Variants in TBC1D31 observed in about 807,000 individuals in gnomAD.
TBC1D31 encodes WD repeat domain 67.
In TBC1D31, 99 loss-of-function variants were observed where a neutral mutation model predicts 132.9. That is an observed-to-expected ratio of 0.74 (90% CI 0.63 to 0.88). The LOEUF (loss-of-function observed/expected upper bound fraction) is 0.88, where lower values mean the gene tolerates loss of function less well. TBC1D31 is among the 40% of genes least tolerant of loss of function. The pLI is 0.00. For synonymous variants in TBC1D31, 385 were observed against 419.4 expected, an observed-to-expected ratio of 0.92 and a Z score of 1.00; for missense variants, 1,134 against 1,256.6, an observed-to-expected ratio of 0.90 and a Z score of 1.48.
chr8:123,134,267 A>T, intron 17 of TBC1D31, 61 bp downstream of exon 17: 1 of 1,312,548 alleles, frequency 7.6e-7, no homozygotes, highest in South Asian at 1.2e-5. Context: ...AGTGGCTCAA[A>T]CCTGTAATCC....
intron 2 of TBC1D31, among the ~76,000 whole-genome samples, chr8:123,080,526 ATTCTTTTTTT>A (rs1363045979): frequency 2.7e-5 from 2 of 74,762 alleles, no homozygotes; most frequent in African/African-American, 1.0e-4. Context: ...CTTTTCTTTT[ATTCTTTTTTT>A]TTTTTTTTTT....
rs1456944328 is a variant in TBC1D31, at chr8:123,150,146, A to G, written c.3067+18A>G. ...AACACAGAGTAAGTTGATAAGCAAG[A>G]AAATGTTATTCTGCCATTTTAAATT... On this transcript the variant is annotated intron_variant, in intron 21 of 21. Transcript: ENST00000287380. 1.9e-6 allele frequency: 3 copies of G among 1,572,766 alleles called. No individual in the cohort carries two copies. Among genetic ancestry groups the G allele is most frequent in the Non-Finnish European group, 2.6e-6 (3 of 1,143,968 alleles).
At chr8:123,092,020 CT>C (rs1206370786) in intron 4 of TBC1D31, among the ~76,000 whole-genome samples, 1 of 152,104 alleles carries the variant, frequency 6.6e-6, no homozygotes, top group East Asian at 1.9e-4. Context: ...AAAGGACTAA[CT>C]TTTTTTTCTT....
At position 123,093,705 on chromosome 8, in the gene TBC1D31, A is replaced by G. The variant is rs535744319; in HGVS notation, c.634A>G (p.Ser212Gly). Residue 212 changes from serine to glycine, a missense_variant, in exon 5 of 22, where the codon AGC (serine) becomes GGC (glycine). By Grantham distance (56) the Ser-to-Gly change is moderately conservative (BLOSUM62 0). Coordinates refer to ENST00000287380, the MANE Select transcript of TBC1D31 (RefSeq NM_145647.4). ...CKYQLPAPPESSSILYKVFAV... is the reference protein window; with the variant it reads ...CKYQLPAPPEGSSILYKVFAV... ...ATATCAATTGCCAGCTCCACCTGAA[A>G]GCTCTAGTATATTATACAAAGTGTT... 2 of 1,610,844 alleles carry G rather than the reference A, an allele frequency of 1.2e-6. No individual in the cohort carries two copies. Among genetic ancestry groups the G allele is most frequent in the South Asian group, 2.2e-5 (2 of 90,744 alleles).
rs117552523 is a variant in TBC1D31, at chr8:123,082,758, G to A, written c.281G>A (p.Arg94His). The A allele has an allele frequency of 2.7e-3, 4,339 of 1,613,252 alleles. 8 individuals carry two copies. Among genetic ancestry groups the A allele is most frequent in the Middle Eastern group, 6.4e-3 (39 of 6,062 alleles). ...QACTALAFNLRRKSEFLVALA... is the reference protein window; with the variant it reads ...QACTALAFNLHRKSEFLVALA... ...TGCACAGCTCTGGCCTTTAATCTTC[G>A]TAGGAAATCTGAATTCCTTGTGGCA... The change falls in exon 3 of 22, where the codon CGT becomes CAT. Residue 94 changes from arginine to histidine, a missense_variant. Physicochemically the swap from Arg to His is conservative, Grantham distance 29 (BLOSUM62 0). Coordinates refer to ENST00000287380, the MANE Select transcript of TBC1D31 (RefSeq NM_145647.4).
intron 17 of TBC1D31, among the ~76,000 whole-genome samples, chr8:123,134,413 A>G (rs755135583): frequency 6.6e-6 from 1 of 151,958 alleles, no homozygotes; most frequent in Non-Finnish European, 1.5e-5. Flanking sequence ...TGTAGTCCCA[A>G]CTACTCAGGA....
intron 10 of TBC1D31, among the ~76,000 whole-genome samples, chr8:123,113,642 C>T (rs943149438): frequency 3.9e-5 from 6 of 152,138 alleles, no homozygotes; most frequent in Admixed American, 6.5e-5. Flanking sequence ...GCTTTATATA[C>T]TTATATGCCT....
At position 123,142,351 on chromosome 8, in the gene TBC1D31, T is replaced by C. The variant is rs776808672; in HGVS notation, c.2730T>C (p.Asp910=). Residue 910 remains aspartate, a synonymous_variant, in exon 19 of 22, where the codon GAT becomes GAC. Transcript: ENST00000287380. ...CTTTACATAAACAAAAATGTGATGATCTACAACGAAACAAATGTTACCAGG... is the reference window on the plus strand; with the variant it reads ...CTTTACATAAACAAAAATGTGATGACCTACAACGAAACAAATGTTACCAGG... ...IQSLHKQKCD[D]LQRNKCYQEV... is the part of the protein sequence containing the mutation. 6.2e-7 allele frequency: 1 copy of C among 1,610,914 alleles called. No individual in the cohort carries two copies. Among genetic ancestry groups the C allele is most frequent in the Non-Finnish European group, 8.5e-7 (1 of 1,178,856 alleles).
At chr8:123,108,746 A>T (rs2385164) in intron 8 of TBC1D31, among the ~76,000 whole-genome samples, 47,342 of 152,048 alleles carry the variant, frequency 0.31, 7,511 homozygotes, top group African/African-American at 0.36. Flanking sequence ...TGAGCAATTT[A>T]TAAAGAAAGG....
intron 4 of TBC1D31, among the ~76,000 whole-genome samples, chr8:123,085,484 G>T (rs2129932149): frequency 6.6e-6 from 1 of 152,110 alleles, no homozygotes; most frequent in East Asian, 1.9e-4. Flanking sequence ...GCCCAGGCTG[G>T]AGTGCAGTGG....
In TBC1D31 at chr8:123,100,142, A is replaced by G. The variant is rs114272575; in HGVS notation, c.832-665A>G. Among the ~76,000 whole-genome samples, 1,111 of 152,176 alleles carry G rather than the reference A, an allele frequency of 7.3e-3. 14 individuals carry two copies. The highest frequency in any genetic ancestry group is 0.025 in the African/African-American group (1,041 of 41,510). ...ATCCTCTCTGTCCCCTGTATATGTC[A>G]TCAGTGGGCATGATCTGCCTGTGGG... On this transcript the variant is annotated intron_variant, in intron 6 of 21. Coordinates refer to ENST00000287380, the MANE Select transcript of TBC1D31 (RefSeq NM_145647.4).
At chr8:123,162,927 G>C in the TBC1D31 span, among the ~76,000 whole-genome samples, 1 of 151,918 alleles carries the variant, frequency 6.6e-6, no homozygotes, top group South Asian at 2.1e-4. Flanking sequence ...CCGCCTCCCA[G>C]ATTCAAGCGA....
chr8:123,094,377 A>G (rs1218557790), intron 5 of TBC1D31, among the ~76,000 whole-genome samples: 1 of 151,440 alleles, frequency 6.6e-6, no homozygotes, highest in African/African-American at 2.4e-5. Context: ...TATTTTTATC[A>G]ATAACTTCAC....
intron 17 of TBC1D31, 107 bp downstream of exon 17, chr8:123,134,313 C>G: frequency 1.2e-6 from 1 of 824,608 alleles, no homozygotes; most frequent in Non-Finnish European, 2.0e-6. Context: ...AGGAGGATCA[C>G]TTGAGCTAAG....
At chr8:123,098,176 A>G (rs1817018586) in intron 6 of TBC1D31, among the ~76,000 whole-genome samples, 2 of 152,234 alleles carry the variant, frequency 1.3e-5, no homozygotes, top group African/African-American at 4.8e-5. Context: ...AGCATACAGT[A>G]GGAAGTCTGT....
At chr8:123,145,373 T>C (rs2130936947) in intron 20 of TBC1D31, among the ~76,000 whole-genome samples, 1 of 152,292 alleles carries the variant, frequency 6.6e-6, no homozygotes, top group African/African-American at 2.4e-5. Context: ...GGAAAAAGTT[T>C]GTGCAGACTG....
intron 7 of TBC1D31, chr8:123,102,699 T>G: frequency 6.4e-6 from 1 of 156,478 alleles, no homozygotes; most frequent in East Asian, 1.9e-4. Context: ...AAAATTTGAG[T>G]CACCAGATAC....
chr8:123,092,808 A>ATT (rs71573666), intron 4 of TBC1D31, among the ~76,000 whole-genome samples: 9 of 103,528 alleles, frequency 8.7e-5, no homozygotes, highest in South Asian at 3.1e-4. Context: ...CACCCGGCTA[A>ATT]TTTTTTTTTT....
At chr8:123,140,721 A>G (rs747656979) in intron 17 of TBC1D31, 40 bp from the exon 18 acceptor site, 11 of 1,525,148 alleles carry the variant, frequency 7.2e-6, no homozygotes, top group African/African-American at 1.4e-5. Flanking sequence ...TTCTAGCGTT[A>G]TATAAATTAG....
Sources: allele counts gnomAD v4.1 joint callset (sites outside exome capture counted in the v4.1 genomes callset), GRCh38; gene constraint gnomAD v4.1.1; transcripts MANE v1.5; gene names NCBI Gene and HGNC (gene_info 2026-07-23, HGNC 2026-07-21).